The following FANK1 variants were observed in gnomAD, a reference collection of about 807,000 sequenced individuals.
FANK1 encodes the protein fibronectin type III and ankyrin repeat domains 1, also known as fibronectin type 3 and ankyrin repeat domains protein 1.
In FANK1, 44 loss-of-function variants were observed where a neutral mutation model predicts 45.3. The observed-to-expected ratio is 0.97, with a 90% CI of 0.76 to 1.25. The LOEUF (loss-of-function observed/expected upper bound fraction) is 1.25. FANK1 is among the 50% of genes most tolerant of loss of function. The pLI, the probability that FANK1 is intolerant of heterozygous loss-of-function variation, is 0.00. For missense variants in FANK1, 391 were observed against 424.4 expected (o/e 0.92, Z 0.69); for synonymous variants, 149 against 152.5 (o/e 0.98, Z 0.17).
chr10:125,981,981 T>G (rs1302861278), intron 2 of FANK1, among the ~76,000 whole-genome samples: 2 of 152,242 alleles, frequency 1.3e-5, no homozygotes, highest in Non-Finnish European at 2.9e-5. Context: ...TATCTGATAT[T>G]TGAGAAATTT....
chr10:125,906,181 T>G (rs75588924), intron 1 of FANK1, among the ~76,000 whole-genome samples: 1 of 151,688 alleles, frequency 6.6e-6, no homozygotes, highest in Non-Finnish European at 1.5e-5. Context: ...AAGAAATGAG[T>G]CTTTCCCTCA....
intron 7 of FANK1, among the ~76,000 whole-genome samples, chr10:126,006,280 A>C (rs1953192743): frequency 6.6e-6 from 1 of 152,230 alleles, no homozygotes; most frequent in Non-Finnish European, 1.5e-5. Context: ...TATGGGATCT[A>C]TCTGGTTCCT....
intron 1 of FANK1, among the ~76,000 whole-genome samples, chr10:125,966,402 T>G (rs1332400966): frequency 6.6e-6 from 1 of 152,166 alleles, no homozygotes; most frequent in Non-Finnish European, 1.5e-5. Flanking sequence ...TATATGCATT[T>G]TGAACACGTC....
chr10:125,925,465 A>G (rs971205732), intron 1 of FANK1, among the ~76,000 whole-genome samples: 2 of 152,168 alleles, frequency 1.3e-5, no homozygotes, highest in African/African-American at 2.4e-5. Context: ...GGCTGTTCAC[A>G]GGTGTTCACA....
chr10:125,914,258 C>A (rs1199751893), intron 1 of FANK1, among the ~76,000 whole-genome samples: 5 of 124,538 alleles, frequency 4.0e-5, no homozygotes, highest in Admixed American at 1.5e-4. Flanking sequence ...TTCCAAAGCT[C>A]CAGCTCAGCA....
chr10:125,996,933 G>C (rs1314239865), intron 5 of FANK1, among the ~76,000 whole-genome samples: 1 of 151,670 alleles, frequency 6.6e-6, no homozygotes, highest in African/African-American at 2.4e-5. Context: ...AAGATGTAGA[G>C]AGAGGGATAT....
chr10:125,940,996 G>A (rs1459157804), intron 1 of FANK1, among the ~76,000 whole-genome samples: 1 of 152,120 alleles, frequency 6.6e-6, no homozygotes, highest in East Asian at 1.9e-4. Flanking sequence ...AATTGTTCAG[G>A]GTACAGATCA....
At chr10:126,005,090 A>C in intron 7 of FANK1, 41 bp downstream of exon 7, 1 of 1,577,088 alleles carries the variant, frequency 6.3e-7, no homozygotes, top group Non-Finnish European at 8.7e-7. Context: ...TATCGTTAAG[A>C]ATCTGAAATG....
chr10:125,907,019 G>A (rs1945581348), intron 1 of FANK1, among the ~76,000 whole-genome samples: 1 of 152,192 alleles, frequency 6.6e-6, no homozygotes, highest in South Asian at 2.1e-4. Flanking sequence ...CTGTAAACCA[G>A]GAATAATTTT....
intron 3 of FANK1, 111 bp downstream of exon 3, chr10:125,988,786 A>G (rs752216798): frequency 6.5e-7 from 1 of 1,531,938 alleles, no homozygotes; most frequent in South Asian, 1.1e-5. Context: ...CAGAAATGAT[A>G]CAATTTTTAA....
intron 1 of FANK1, among the ~76,000 whole-genome samples, chr10:125,912,488 T>TG (rs1564862333): frequency 1.5e-4 from 21 of 138,008 alleles, no homozygotes; most frequent in Middle Eastern, 3.7e-3. Flanking sequence ...GTGTGTGTGT[T>TG]TTTGAGATTA....
chr10:125,997,796 C>T (rs746919021), intron 6 of FANK1, among the ~76,000 whole-genome samples: 8 of 152,256 alleles, frequency 5.3e-5, no homozygotes, highest in Non-Finnish European at 8.8e-5. Flanking sequence ...TCGCCATCCG[C>T]GCTGGGCGTG....
At chr10:125,904,471 A>G (rs1265229126) in intron 1 of FANK1, among the ~76,000 whole-genome samples, 1 of 151,190 alleles carries the variant, frequency 6.6e-6, no homozygotes, top group Non-Finnish European at 1.5e-5. Flanking sequence ...ACAGGGTCTC[A>G]CTATGTTGCA....
intron 1 of FANK1, among the ~76,000 whole-genome samples, chr10:125,925,259 T>C (rs996733213): frequency 1.3e-5 from 2 of 152,302 alleles, no homozygotes; most frequent in Non-Finnish European, 2.9e-5. Flanking sequence ...TGTACTTGGG[T>C]GCATATGATT....
At chr10:125,912,482 GTGTGTT>G (rs1374588978) in intron 1 of FANK1, among the ~76,000 whole-genome samples, 104 of 125,170 alleles carry the variant, frequency 8.3e-4, no homozygotes, top group South Asian at 1.9e-3. Context: ...GTGTGTGTGT[GTGTGTT>G]TTTGAGATTA....
intron 1 of FANK1, among the ~76,000 whole-genome samples, chr10:125,959,383 C>T (rs1018694157): frequency 1.5e-5 from 2 of 129,950 alleles, no homozygotes; most frequent in Non-Finnish European, 1.6e-5. Context: ...CACTGCATTC[C>T]AGCCTGAGTG....
intron 1 of FANK1, among the ~76,000 whole-genome samples, chr10:125,965,193 A>T (rs1030157278): frequency 6.6e-6 from 1 of 152,206 alleles, no homozygotes; most frequent in African/African-American, 2.4e-5. Flanking sequence ...AACTTGATGA[A>T]TGCAAAATGT....
chr10:126,005,101 C>T, intron 7 of FANK1, 52 bp downstream of exon 7: 1 of 1,568,972 alleles, frequency 6.4e-7, no homozygotes, highest in Non-Finnish European at 8.7e-7. Flanking sequence ...ATCTGAAATG[C>T]TGCTCCATGG....
In FANK1 at chr10:125,955,749, G is replaced by GGT. The variant is rs1272645951; in HGVS notation, c.14-24408_14-24407dup. The stretch of plus-strand genomic sequence containing the variant: ...ACCCTCTCAAAGTGCTGGGATTACA[G>GGT]GTGTGAGCCACTGTGCCTGGCCCCA... On this transcript the variant is annotated intron_variant, in intron 1 of 10. Transcript: ENST00000368693. Among the ~76,000 whole-genome samples the GGT allele has an allele frequency of 2.0e-5, 3 of 152,270 alleles. No homozygotes were observed. The East Asian group carries it at 5.8e-4, about 29-fold the overall frequency.
Sources: allele counts gnomAD v4.1 joint callset (sites outside exome capture counted in the v4.1 genomes callset), GRCh38; gene constraint gnomAD v4.1.1; transcripts MANE v1.5; gene names NCBI Gene and HGNC (gene_info 2026-07-23, HGNC 2026-07-21).